PRDX2: variants seen among roughly 807,000 people sequenced by gnomAD.
PRDX2 encodes the protein peroxiredoxin-2.
A neutral mutation model predicts 19.8 loss-of-function variants in PRDX2; 10 were observed. The observed-to-expected ratio is 0.50, with a 90% CI of 0.31 to 0.86. The LOEUF (loss-of-function observed/expected upper bound fraction) is 0.86. Ranked by LOEUF, PRDX2 falls within the 40% of genes least tolerant of loss-of-function variation. The pLI, the probability that PRDX2 is intolerant of heterozygous loss-of-function variation, is 0.04. For synonymous variants in PRDX2, 118 were observed against 108.2 expected, an observed-to-expected ratio of 1.09 and a Z score of -0.56; for missense variants, 226 against 260.1, an observed-to-expected ratio of 0.87 and a Z score of 0.90.
At chr19:12,797,656 C>CTTTTTTTTTTTT (rs1555733212) in intron 5 of PRDX2, among the ~76,000 whole-genome samples, 6 of 113,062 alleles carry the variant, frequency 5.3e-5, no homozygotes, top group African/African-American at 1.8e-4. Context: ...TTCTTTCTTT[C>CTTTTTTTTTTTT]TTTTTTTTTT....
intron 3 of PRDX2, chr19:12,800,676 A>C: frequency 6.9e-7 from 1 of 1,443,538 alleles, no homozygotes; most frequent in South Asian, 1.5e-5. Context: ...CCTGGGAACT[A>C]AGTACATAGA....
At chr19:12,798,262 G>A (rs897789363) in intron 5 of PRDX2, among the ~76,000 whole-genome samples, 2 of 151,728 alleles carry the variant, frequency 1.3e-5, no homozygotes, top group Non-Finnish European at 2.9e-5. Context: ...AGCTAGGATG[G>A]TCTCGATCTC....
At chr19:12,801,592 TGCAAGGCTGTGGCCTCGGTTTCCCCC>T (rs1347256571) in intron 1 of PRDX2, 122 bp downstream of exon 1, 3 of 430,788 alleles carry the variant, frequency 7.0e-6, no homozygotes, top group Middle Eastern at 6.4e-4. Flanking sequence ...AGGCCTGCGC[TGCAAGGCTGTGGCCTCGGTTTCCCCC>T]GCAAGGACAA....
chr19:12,800,346 G>T lies in PRDX2; in HGVS notation c.258-47C>A, dbSNP rs1191534385. 3 of 1,591,502 alleles carry T rather than the reference G, an allele frequency of 1.9e-6. No homozygotes were observed. In the African/African-American group the frequency reaches 4.0e-5, roughly 21 times the overall value. On this transcript the variant is annotated intron_variant, in intron 3 of 5. Transcript: ENST00000301522. ...TTGGGGCCTCAGGATGCCTGGCACA[G>T]CAGGGTCCTCACCCTGTGGGCCCAA... is the stretch of plus-strand genomic sequence containing the variant.
intron 1 of PRDX2, among the ~76,000 whole-genome samples, 192 bp downstream of exon 1, chr19:12,801,548 C>A (rs533842791): frequency 6.9e-4 from 105 of 152,366 alleles, no homozygotes; most frequent in African/African-American, 2.4e-3. Flanking sequence ...GACAGTGAGG[C>A]CCGCACGAGC....
In PRDX2 at chr19:12,797,210, G is replaced by A. The variant is rs193123669; in HGVS notation, c.512-44C>T. On this transcript the variant is annotated intron_variant, in intron 5 of 5. Coordinates refer to ENST00000301522, the MANE Select transcript of PRDX2 (RefSeq NM_005809.6). ...ATGCACATGAAGGCTACAGCCCCAG[G>A]TTCAAGGTGAAGCAAAGCAAGGGCC... is the stretch of plus-strand genomic sequence containing the variant. 4.2e-4 allele frequency: 654 copies of A among 1,570,220 alleles called. 1 individual carries two copies. The highest frequency in any genetic ancestry group is 3.7e-4 in the Non-Finnish European group (425 of 1,141,784).
Position 12,801,286 on chromosome 19 carries a change from G to C in PRDX2, c.-9-16C>G. 2 of 1,596,170 alleles carry C rather than the reference G, an allele frequency of 1.3e-6. No homozygotes were observed. Among genetic ancestry groups the C allele is most frequent in the Non-Finnish European group, 1.7e-6 (2 of 1,171,760 alleles). Reference sequence around the variant, plus strand: ...TGACTGAAAGCTGAGACCCCCGCCCGGTCAGTGCGCCCGGGAAGACACTTT... The same window carrying C: ...TGACTGAAAGCTGAGACCCCCGCCCCGTCAGTGCGCCCGGGAAGACACTTT... On this transcript the variant is annotated splice_polypyrimidine_tract_variant and intron_variant, in intron 1 of 5. Coordinates refer to ENST00000301522, the MANE Select transcript of PRDX2 (RefSeq NM_005809.6).
At chr19:12,801,684 G>C (rs1398664068) in intron 1 of PRDX2, 56 bp downstream of exon 1, 2 of 302,868 alleles carry the variant, frequency 6.6e-6, no homozygotes, top group African/African-American at 2.2e-5. Flanking sequence ...AGTCAGGATC[G>C]GGCCAAAGCA....
chr19:12,797,779 T>C (rs1191052724), intron 5 of PRDX2, among the ~76,000 whole-genome samples: 1 of 148,988 alleles, frequency 6.7e-6, no homozygotes, highest in East Asian at 2.1e-4. Flanking sequence ...TGCCTTAGCC[T>C]CCTGAGTAGC....
chr19:12,797,656 CTT>C (rs1555733212), intron 5 of PRDX2, among the ~76,000 whole-genome samples: 12 of 113,040 alleles, frequency 1.1e-4, no homozygotes, highest in Non-Finnish European at 1.3e-4. Flanking sequence ...TTCTTTCTTT[CTT>C]TTTTTTTTTT....
Position 12,801,169 on chromosome 19 carries a change from C to T in PRDX2, c.93G>A (p.Ser31=), listed in dbSNP as rs775414901. The T allele has an allele frequency of 2.5e-5, 40 of 1,613,846 alleles. No individual in the cohort carries two copies. The South Asian group carries it at 4.3e-4, about 17-fold the overall frequency. The change falls in exon 2 of 6, where the codon TCG becomes TCA. Residue 31 remains serine (S), a synonymous_variant. Transcript: ENST00000301522. ...CCGGGCGGCGCTCACCTTTGTAGTCCGACAGCTTCACCTCTTTGAAGGCGC... is the reference window on the plus strand; with the variant it reads ...CCGGGCGGCGCTCACCTTTGTAGTCTGACAGCTTCACCTCTTTGAAGGCGC... ...VDGAFKEVKL[S]DYKGKYVVLF... is the part of the protein sequence containing the mutation.
intron 1 of PRDX2, among the ~76,000 whole-genome samples, chr19:12,801,528 C>T (rs1214212953): frequency 6.6e-6 from 1 of 152,222 alleles, no homozygotes; most frequent in Admixed American, 6.5e-5. Flanking sequence ...AAGCCCCCAG[C>T]CCAGAAGGAG....
Position 12,796,831 on chromosome 19 carries a change from C to A in PRDX2, c.*250G>T. 2.1e-6 allele frequency: 1 copy of A among 485,042 alleles called. No individual in the cohort carries two copies. The highest frequency in any genetic ancestry group is 3.3e-5 in the South Asian group (1 of 30,334). The allele number at this position is 485,042 out of a possible 1,614,324, so 30.0% of individuals were successfully genotyped here. On this transcript the variant is annotated 3_prime_UTR_variant, in exon 6 of 6. Coordinates refer to ENST00000301522, the MANE Select transcript of PRDX2 (RefSeq NM_005809.6). ...ACACCAACACAGACTCACACCTTTC[C>A]CTAATACTTTATTGGTTACCTCTAG...
chr19:12,798,365 TGAGACG>T (rs1968830742), intron 5 of PRDX2, among the ~76,000 whole-genome samples: 1 of 150,352 alleles, frequency 6.7e-6, no homozygotes, highest in East Asian at 2.0e-4. Context: ...TTTTATTTTT[TGAGACG>T]GAGTTTCGCT....
intron 5 of PRDX2, among the ~76,000 whole-genome samples, chr19:12,798,249 G>A (rs927273150): frequency 2.6e-5 from 4 of 151,928 alleles, no homozygotes; most frequent in East Asian, 1.9e-4. Flanking sequence ...GTTTCACCGC[G>A]TTAGCTAGGA....
chr19:12,801,201 C>A lies in PRDX2; in HGVS notation c.61G>T (p.Val21Phe). 6.2e-7 allele frequency: 1 copy of A among 1,614,066 alleles called. No homozygotes were observed. The highest frequency in any genetic ancestry group is 8.5e-7 in the Non-Finnish European group (1 of 1,180,024). ...PAPDFKATAV[V>F]DGAFKEVKLS... ...TTCACCTCTTTGAAGGCGCCATCAACCACCGCTGTGGCCTTGAAGTCAGGG... is the reference window on the plus strand; with the variant it reads ...TTCACCTCTTTGAAGGCGCCATCAAACACCGCTGTGGCCTTGAAGTCAGGG... The change falls in exon 2 of 6, where the codon GTT becomes TTT. Residue 21 changes from valine (V) to phenylalanine (F), a missense_variant. Transcript: ENST00000301522.
At position 12,796,955 on chromosome 19, in the gene PRDX2, C is replaced by A. The variant is rs1004451441; in HGVS notation, c.*126G>T. On this transcript the variant is annotated 3_prime_UTR_variant, in exon 6 of 6. Coordinates refer to ENST00000301522, the MANE Select transcript of PRDX2 (RefSeq NM_005809.6). ...TGGCCTAGCCCTCCAGGGTCCCATACTGTGGAGTTTGGAGGGGCAGGTCTG... is the reference window on the plus strand; with the variant it reads ...TGGCCTAGCCCTCCAGGGTCCCATAATGTGGAGTTTGGAGGGGCAGGTCTG... 3.6e-5 allele frequency: 32 copies of A among 897,560 alleles called. No homozygotes were observed. The African/African-American group carries it at 4.5e-4, about 12-fold the overall frequency. 55.6% of individuals were successfully genotyped at this position (897,560 alleles called of 1,614,324 possible).
At position 12,798,247 on chromosome 19, in the gene PRDX2, G is replaced by A. The variant is rs1287247014; in HGVS notation, c.512-1081C>T. On this transcript the variant is annotated intron_variant, in intron 5 of 5. Coordinates refer to ENST00000301522, the MANE Select transcript of PRDX2 (RefSeq NM_005809.6). ...TTTTTAGTAGAGACAGGGTTTCACC[G>A]CGTTAGCTAGGATGGTCTCGATCTC... 3.3e-5 allele frequency among the ~76,000 whole-genome samples: 5 copies of A among 151,786 alleles called. No homozygotes were observed. The East Asian group carries it at 5.8e-4, about 18-fold the overall frequency.
intron 5 of PRDX2, among the ~76,000 whole-genome samples, chr19:12,799,105 T>C (rs2145815016): frequency 6.6e-6 from 1 of 151,966 alleles, no homozygotes; most frequent in Admixed American, 6.6e-5. Context: ...TTCACTATGT[T>C]GGCCAGGCTG....
Sources: allele counts gnomAD v4.1 joint callset (sites outside exome capture counted in the v4.1 genomes callset), GRCh38; gene constraint gnomAD v4.1.1; transcripts MANE v1.5; gene names NCBI Gene and HGNC (gene_info 2026-07-23, HGNC 2026-07-21).